The following PDE5A variants were observed in gnomAD, a reference collection of about 807,000 sequenced individuals.
The protein encoded by PDE5A is phosphodiesterase 5A, also known as cGMP-specific 3',5'-cyclic phosphodiesterase.
Under a neutral mutation model 110.2 loss-of-function variants are expected in PDE5A, and 67 were observed. The ratio of observed to expected loss-of-function variants is 0.61; its 90% CI spans 0.50 to 0.75. The LOEUF (loss-of-function observed/expected upper bound fraction) is 0.75, where lower values mean the gene tolerates loss of function less well. Ranked by LOEUF, PDE5A falls within the 30% of genes least tolerant of loss-of-function variation. The pLI is 0.00. For synonymous variants in PDE5A, 328 were observed against 351.2 expected, an observed-to-expected ratio of 0.93 and a Z score of 0.74; for missense variants, 862 against 1,045.1, an observed-to-expected ratio of 0.82 and a Z score of 2.42.
At chr4:119,587,432 G>A (rs1418632113) in intron 3 of PDE5A, among the ~76,000 whole-genome samples, 9 of 150,746 alleles carry the variant, frequency 6.0e-5, no homozygotes, top group African/African-American at 9.8e-5. Flanking sequence ...GCCGGACTGC[G>A]GACTGCAGTG....
Position 119,498,446 on chromosome 4 carries a change from T to A in PDE5A, c.*155A>T. 1 of 712,292 alleles carries A rather than the reference T, an allele frequency of 1.4e-6. No homozygotes were observed. The highest frequency in any genetic ancestry group is 2.9e-5 in the Admixed American group (1 of 34,994). 44.1% of individuals were successfully genotyped at this position (712,292 alleles called of 1,614,324 possible). A position where few individuals can be genotyped will look rare whatever the true frequency, so the allele number is the denominator to read the frequency against. On this transcript the variant is annotated 3_prime_UTR_variant, in exon 21 of 21. Coordinates refer to ENST00000354960, the MANE Select transcript of PDE5A (RefSeq NM_001083.4). ...ATATGTAATAGTCCTCTAAAAACAT[T>A]CATGCTATACTCTCAAAAGTTGTGC...
At chr4:119,578,262 C>T (rs1486260657) in intron 3 of PDE5A, among the ~76,000 whole-genome samples, 1 of 152,062 alleles carries the variant, frequency 6.6e-6, no homozygotes, top group Non-Finnish European at 1.5e-5. Flanking sequence ...GCCATACTGC[C>T]CAAGGTAATT....
intron 2 of PDE5A, among the ~76,000 whole-genome samples, chr4:119,604,697 G>A (rs972538508): frequency 3.3e-5 from 5 of 152,010 alleles, no homozygotes; most frequent in African/African-American, 1.2e-4. Context: ...CCCAAATCCC[G>A]GCCCTCGGTA....
intron 3 of PDE5A, among the ~76,000 whole-genome samples, chr4:119,580,064 G>A (rs922508237): frequency 1.3e-5 from 2 of 152,082 alleles, no homozygotes; most frequent in African/African-American, 4.8e-5. Flanking sequence ...AGCCTCTGGG[G>A]GTCAGTAGCT....
intron 1 of PDE5A, among the ~76,000 whole-genome samples, chr4:119,616,148 C>A (rs375239691): frequency 6.6e-6 from 1 of 152,130 alleles, no homozygotes; most frequent in Non-Finnish European, 1.5e-5. Flanking sequence ...TCCTGAGATA[C>A]GAAGAAACCC....
intron 1 of PDE5A, 129 bp downstream of exon 1, chr4:119,628,391 G>T: frequency 1.5e-6 from 1 of 666,526 alleles, no homozygotes; most frequent in Non-Finnish European, 2.5e-6. Context: ...TAGAGTTGAG[G>T]TTTCTACCTC....
chr4:119,615,458 G>A (rs908575942), intron 1 of PDE5A, among the ~76,000 whole-genome samples: 1 of 152,012 alleles, frequency 6.6e-6, no homozygotes, highest in African/African-American at 2.4e-5. Context: ...GAAAAAGGAT[G>A]AGAGTAAAAA....
At chr4:119,529,014 A>G (rs1250525847) in intron 11 of PDE5A, among the ~76,000 whole-genome samples, 1 of 152,230 alleles carries the variant, frequency 6.6e-6, no homozygotes, top group East Asian at 1.9e-4. Context: ...ACTAGCCTCT[A>G]CTGGGTTAAA....
chr4:119,555,630 T>C (rs965681479), intron 7 of PDE5A, among the ~76,000 whole-genome samples: 1 of 152,020 alleles, frequency 6.6e-6, no homozygotes, highest in Non-Finnish European at 1.5e-5. Flanking sequence ...TCAATAACTA[T>C]TATTATTCTT....
intron 1 of PDE5A, among the ~76,000 whole-genome samples, chr4:119,618,983 T>C (rs1382974907): frequency 6.6e-6 from 1 of 152,182 alleles, no homozygotes; most frequent in Non-Finnish European, 1.5e-5. Context: ...TTTTTGTGTT[T>C]ATAAGTCAGC....
chr4:119,535,954 C>T (rs1726711604), intron 11 of PDE5A, among the ~76,000 whole-genome samples: 1 of 152,082 alleles, frequency 6.6e-6, no homozygotes, highest in Admixed American at 6.6e-5. Flanking sequence ...GATACAAACA[C>T]CTGTGTAGCT....
rs1728057290 is a variant in PDE5A, at chr4:119,569,270, A to G, written c.832-2126T>C. ...CCAGGCTGGTCTCACTATGCCCTGC[A>G]CTCAAGCAATCCTCCTGCTCTGGCC... On this transcript the variant is annotated intron_variant, in intron 3 of 20. Coordinates refer to ENST00000354960, the MANE Select transcript of PDE5A (RefSeq NM_001083.4). Among the ~76,000 whole-genome samples, 3 of 152,032 alleles carry G rather than the reference A, an allele frequency of 2.0e-5. No individual in the cohort carries two copies. The South Asian group carries it at 6.2e-4, about 32-fold the overall frequency.
intron 13 of PDE5A, chr4:119,519,400 TAGTA>T (rs1473004428): frequency 5.2e-6 from 2 of 387,648 alleles, no homozygotes; most frequent in South Asian, 1.5e-4. Context: ...TGTCCACCTA[TAGTA>T]AGTATTGCTA....
intron 1 of PDE5A, among the ~76,000 whole-genome samples, chr4:119,608,537 C>A (rs1431879040): frequency 2.0e-5 from 3 of 151,950 alleles, no homozygotes; most frequent in Admixed American, 2.0e-4. Flanking sequence ...AAAATTAGAC[C>A]TTGTTTCTCA....
intron 20 of PDE5A, among the ~76,000 whole-genome samples, 160 bp from the exon 21 acceptor site, chr4:119,498,898 CAT>C (rs1241792881): frequency 6.6e-6 from 1 of 152,190 alleles, no homozygotes; most frequent in Non-Finnish European, 1.5e-5. Context: ...ATCATTTACA[CAT>C]GATTCTTCTA....
At chr4:119,528,293 C>G (rs1038214376) in intron 11 of PDE5A, among the ~76,000 whole-genome samples, 1 of 152,042 alleles carries the variant, frequency 6.6e-6, no homozygotes, top group Non-Finnish European at 1.5e-5. Flanking sequence ...AAATTCAACT[C>G]TGGACATGAA....
chr4:119,597,771 G>T (rs927559200), intron 2 of PDE5A, among the ~76,000 whole-genome samples: 8 of 152,084 alleles, frequency 5.3e-5, no homozygotes, highest in African/African-American at 1.9e-4. Context: ...TGTGAATGAA[G>T]TGATTACACT....
chr4:119,517,220 CTG>C (rs1364184760), intron 14 of PDE5A: 1 of 152,128 alleles, frequency 6.6e-6, no homozygotes, highest in Non-Finnish European at 1.5e-5. Flanking sequence ...ACTTTCATCT[CTG>C]TGCATTGTTT....
At chr4:119,521,120 T>C in intron 12 of PDE5A, 60 bp from the exon 13 acceptor site, 3 of 1,521,192 alleles carry the variant, frequency 2.0e-6, no homozygotes, top group Non-Finnish European at 2.7e-6. Flanking sequence ...ACATTTACTA[T>C]GTTCCAGACA....
Sources: gnomAD v4.1 joint callset for allele counts (sites outside exome capture counted in the v4.1 genomes callset) on GRCh38, gnomAD v4.1.1 for gene constraint, MANE v1.5 for transcripts, NCBI Gene and HGNC (gene_info 2026-07-23, HGNC 2026-07-21) for gene names.